Variants in TENM3 observed in about 807,000 individuals in gnomAD.
The protein encoded by TENM3 is teneurin-3.
TENM3 carries 63 observed loss-of-function variants against 255.1 expected under a neutral mutation model. The observed-to-expected ratio is 0.25, with a 90% CI of 0.20 to 0.30. The LOEUF is 0.30. Ranked by LOEUF, TENM3 falls within the 10% of genes least tolerant of loss-of-function variation. TENM3 has a pLI of 1.00. For synonymous variants in TENM3, 1,306 were observed against 1,322.3 expected (o/e 0.99, Z 0.27); for missense variants, 2,929 against 3,461.1 (o/e 0.85, Z 3.86).
the TENM3 span, among the ~76,000 whole-genome samples, chr4:182,091,214 G>A: frequency 6.6e-6 from 1 of 152,190 alleles, no homozygotes; most frequent in Non-Finnish European, 1.5e-5. Context: ...GCAAAGCACA[G>A]CAGGCCAATT....
intron 3 of TENM3, among the ~76,000 whole-genome samples, chr4:182,517,406 C>T (rs369108104): frequency 9.6e-6 from 1 of 103,958 alleles, no homozygotes; most frequent in South Asian, 3.0e-4. Flanking sequence ...TTTTTTGAGA[C>T]GGAGTCTCGC....
chr4:182,423,528 C>T (rs979081254), intron 3 of TENM3, among the ~76,000 whole-genome samples: 1 of 151,922 alleles, frequency 6.6e-6, no homozygotes, highest in Non-Finnish European at 1.5e-5. Flanking sequence ...TCAACAAAGC[C>T]CAATGACTTT....
intron 3 of TENM3, among the ~76,000 whole-genome samples, chr4:182,576,188 C>T (rs774221137): frequency 6.6e-6 from 1 of 152,276 alleles, no homozygotes; most frequent in East Asian, 1.9e-4. Flanking sequence ...AGTTCCCTAG[C>T]AAAACCAAGT....
intron 2 of TENM3, among the ~76,000 whole-genome samples, chr4:182,335,262 G>A (rs1764033622): frequency 1.4e-5 from 2 of 145,930 alleles, no homozygotes; most frequent in Admixed American, 6.9e-5. Context: ...ACTTTGGGAG[G>A]CTGAGGCGGG....
chr4:182,273,777 C>A (rs150655345), intron 1 of TENM3, among the ~76,000 whole-genome samples: 124 of 152,308 alleles, frequency 8.1e-4, no homozygotes, highest in African/African-American at 3.0e-3. Context: ...CCCTGTTTTC[C>A]TTTGACAAAG....
chr4:182,719,696 C>A (rs1206371168), intron 13 of TENM3, among the ~76,000 whole-genome samples: 1 of 151,880 alleles, frequency 6.6e-6, no homozygotes, highest in East Asian at 1.9e-4. Context: ...TGAGGTTATT[C>A]AGAAATAAGA....
At chr4:181,935,858 G>C in the TENM3 span, among the ~76,000 whole-genome samples, 2 of 152,106 alleles carry the variant, frequency 1.3e-5, no homozygotes, top group African/African-American at 4.8e-5. Context: ...TGAAGCCTCA[G>C]ACAAACCTCA....
intron 1 of TENM3, among the ~76,000 whole-genome samples, chr4:182,196,710 A>C (rs1178757809): frequency 2.0e-5 from 3 of 152,226 alleles, no homozygotes; most frequent in African/African-American, 2.4e-5. Flanking sequence ...CTGTGACTTT[A>C]AGAAAAGTTG....
chr4:181,860,931 A>C, the TENM3 span, among the ~76,000 whole-genome samples: 10,347 of 152,184 alleles, frequency 0.068, 1,161 homozygotes, highest in African/African-American at 0.23. Flanking sequence ...TAAAAAGTAT[A>C]CTCAAAGGTA....
the TENM3 span, among the ~76,000 whole-genome samples, chr4:181,883,829 A>T: frequency 6.6e-6 from 1 of 152,180 alleles, no homozygotes; most frequent in Non-Finnish European, 1.5e-5. Context: ...TAGAAGATTA[A>T]TGGCAGGAAC....
At chr4:182,244,765 G>A (rs1326928214) in intron 1 of TENM3, among the ~76,000 whole-genome samples, 1 of 152,164 alleles carries the variant, frequency 6.6e-6, no homozygotes, top group East Asian at 1.9e-4. Flanking sequence ...ATAGATAGCT[G>A]TTTAGGAAAC....
At chr4:182,784,387 C>A (rs1181150496) in intron 24 of TENM3, among the ~76,000 whole-genome samples, 7 of 151,858 alleles carry the variant, frequency 4.6e-5, no homozygotes, top group Admixed American at 1.3e-4. Context: ...GTCAGGGACC[C>A]ACTTGAGGAG....
chr4:182,386,315 G>GT (rs1767910448), intron 3 of TENM3, among the ~76,000 whole-genome samples: 1 of 152,224 alleles, frequency 6.6e-6, no homozygotes, highest in Admixed American at 6.5e-5. Flanking sequence ...GGGACAAGAA[G>GT]TTTTACCTTA....
chr4:182,206,871 G>A (rs74611488), intron 1 of TENM3, among the ~76,000 whole-genome samples: 9,822 of 152,122 alleles, frequency 0.065, 427 homozygotes, highest in Non-Finnish European at 0.095. Flanking sequence ...CAAAATTCCC[G>A]TTCTTTCTTT....
intron 3 of TENM3, among the ~76,000 whole-genome samples, chr4:182,495,475 G>A (rs1735684875): frequency 2.7e-5 from 4 of 150,902 alleles, no homozygotes; most frequent in Admixed American, 2.6e-4. Flanking sequence ...AAAAATAAGA[G>A]GGACTGTTTC....
intron 3 of TENM3, among the ~76,000 whole-genome samples, chr4:182,398,569 T>C (rs1769009397): frequency 6.6e-6 from 1 of 152,096 alleles, no homozygotes; most frequent in Non-Finnish European, 1.5e-5. Flanking sequence ...GTATGCTGGG[T>C]TCCTAGGAAT....
intron 3 of TENM3, among the ~76,000 whole-genome samples, chr4:182,466,929 C>T: frequency 6.6e-6 from 1 of 151,590 alleles, no homozygotes; most frequent in East Asian, 1.9e-4. Context: ...CTTCACACTC[C>T]TATTCTTTAA....
At chr4:181,720,961 G>A in the TENM3 span, among the ~76,000 whole-genome samples, 4 of 152,150 alleles carry the variant, frequency 2.6e-5, no homozygotes, top group African/African-American at 9.7e-5. Flanking sequence ...GGCTCTGAGA[G>A]ACTGATGCCA....
the TENM3 span, among the ~76,000 whole-genome samples, chr4:181,529,237 T>C: frequency 3.3e-5 from 5 of 152,146 alleles, no homozygotes; most frequent in East Asian, 9.7e-4. Flanking sequence ...CTCCTACATG[T>C]CCAAAGGCAT....
Sources: allele counts gnomAD v4.1 joint callset (sites outside exome capture counted in the v4.1 genomes callset), GRCh38; gene constraint gnomAD v4.1.1; transcripts MANE v1.5; gene names NCBI Gene and HGNC (gene_info 2026-07-23, HGNC 2026-07-21).